The following CFAP95 variants were observed in gnomAD, a reference collection of about 807,000 sequenced individuals.
The protein encoded by CFAP95 is cilia- and flagella-associated protein 95.
chr9:69,880,442 A>G, the CFAP95 span, among the ~76,000 whole-genome samples: 6 of 152,158 alleles, frequency 3.9e-5, no homozygotes, highest in Non-Finnish European at 8.8e-5. Context: ...TATTTCACTT[A>G]ACATAGTGAT....
chr9:69,842,345 G>T, the CFAP95 span, among the ~76,000 whole-genome samples: 20 of 152,284 alleles, frequency 1.3e-4, no homozygotes, highest in East Asian at 3.7e-3. Flanking sequence ...AACAAAGATG[G>T]ATTCTTGGCA....
At chr9:69,846,401 T>C in the CFAP95 span, among the ~76,000 whole-genome samples, 1 of 152,178 alleles carries the variant, frequency 6.6e-6, no homozygotes, top group Non-Finnish European at 1.5e-5. Flanking sequence ...GTCCTCCACC[T>C]GCCAGATTTG....
the CFAP95 span, among the ~76,000 whole-genome samples, chr9:69,899,443 T>A: frequency 1.1e-4 from 17 of 152,366 alleles, no homozygotes; most frequent in South Asian, 3.5e-3. Flanking sequence ...ATAATTTAAA[T>A]AGTTCTGCTT....
the CFAP95 span, among the ~76,000 whole-genome samples, chr9:69,869,044 G>T: frequency 6.6e-6 from 1 of 152,140 alleles, no homozygotes; most frequent in African/African-American, 2.4e-5. Flanking sequence ...AACACTGTTG[G>T]TGGGTGTGTA....
chr9:69,869,228 A>G, the CFAP95 span, among the ~76,000 whole-genome samples: 2 of 152,228 alleles, frequency 1.3e-5, no homozygotes, highest in African/African-American at 4.8e-5. Context: ...ACAATCGCCA[A>G]GATACAGACT....
At chr9:69,889,381 A>G in the CFAP95 span, among the ~76,000 whole-genome samples, 1 of 152,214 alleles carries the variant, frequency 6.6e-6, no homozygotes, top group African/African-American at 2.4e-5. Context: ...CTACTCCCAG[A>G]TAACTTCACT....
chr9:69,884,891 C>T, the CFAP95 span, among the ~76,000 whole-genome samples: 4 of 152,008 alleles, frequency 2.6e-5, no homozygotes, highest in Non-Finnish European at 5.9e-5. Flanking sequence ...TTGAAAGTTA[C>T]ATTTCTAATT....
At chr9:69,857,963 G>C in the CFAP95 span, 1 of 1,613,902 alleles carries the variant, frequency 6.2e-7, no homozygotes, top group South Asian at 1.1e-5. Context: ...GACATCCACC[G>C]GATTGGAGCA....
At chr9:69,899,867 C>G in the CFAP95 span, among the ~76,000 whole-genome samples, 1 of 152,192 alleles carries the variant, frequency 6.6e-6, no homozygotes, top group African/African-American at 2.4e-5. Context: ...TGTGACTCCA[C>G]TGGGAGAGGA....
chr9:69,862,466 C>T, the CFAP95 span, among the ~76,000 whole-genome samples: 21 of 152,144 alleles, frequency 1.4e-4, no homozygotes, highest in Non-Finnish European at 1.9e-4. Flanking sequence ...ATGTTTCATA[C>T]AGTACAATGC....
the CFAP95 span, among the ~76,000 whole-genome samples, chr9:69,842,389 GA>G: frequency 6.6e-6 from 1 of 152,164 alleles, no homozygotes; most frequent in Non-Finnish European, 1.5e-5. Context: ...AGAACTGGAA[GA>G]AATCCAGAAT....
chr9:69,905,802 C>A, the CFAP95 span: 1 of 528,478 alleles, frequency 1.9e-6, no homozygotes, highest in Non-Finnish European at 2.9e-6. Flanking sequence ...ATTTTTTTAA[C>A]TGAAACATTT....
chr9:69,900,376 A>C, the CFAP95 span, among the ~76,000 whole-genome samples: 7 of 152,352 alleles, frequency 4.6e-5, no homozygotes, highest in Non-Finnish European at 8.8e-5. Context: ...GTGACTTAGC[A>C]TCCTGATGCC....
the CFAP95 span, among the ~76,000 whole-genome samples, chr9:69,835,722 G>A: frequency 2.0e-5 from 3 of 152,222 alleles, no homozygotes; most frequent in East Asian, 5.8e-4. Context: ...AATAATCCGT[G>A]TCTAAGAAGC....
At chr9:69,868,103 G>C in the CFAP95 span, among the ~76,000 whole-genome samples, 2 of 151,952 alleles carry the variant, frequency 1.3e-5, no homozygotes, top group African/African-American at 4.8e-5. Flanking sequence ...ATTTCTAATC[G>C]ATCAGAGATG....
the CFAP95 span, among the ~76,000 whole-genome samples, chr9:69,875,637 A>G: frequency 1.3e-5 from 2 of 152,180 alleles, no homozygotes; most frequent in East Asian, 3.9e-4. Context: ...CCTGATAAGC[A>G]TATCATTTGA....
the CFAP95 span, among the ~76,000 whole-genome samples, chr9:69,886,369 C>G: frequency 6.6e-6 from 1 of 152,042 alleles, no homozygotes; most frequent in African/African-American, 2.4e-5. Flanking sequence ...TTGCTAAGAC[C>G]TATGGTAAGA....
the CFAP95 span, among the ~76,000 whole-genome samples, chr9:69,870,239 C>A: frequency 1.3e-5 from 2 of 151,990 alleles, no homozygotes; most frequent in African/African-American, 4.8e-5. Context: ...AAGAGTTAGG[C>A]ACCGGGAATA....
the CFAP95 span, among the ~76,000 whole-genome samples, chr9:69,836,307 C>T: frequency 2.0e-5 from 3 of 151,990 alleles, no homozygotes; most frequent in Admixed American, 6.6e-5. Context: ...AACCTTGGTA[C>T]TATGGACATT....
Sources: gnomAD v4.1 joint callset for allele counts (sites outside exome capture counted in the v4.1 genomes callset) on GRCh38, gnomAD v4.1.1 for gene constraint, MANE v1.5 for transcripts, NCBI Gene and HGNC (gene_info 2026-07-23, HGNC 2026-07-21) for gene names.